Variants in KDM5A observed in about 807,000 individuals in gnomAD.
KDM5A encodes lysine demethylase 5A.
KDM5A carries 42 observed loss-of-function variants against 193.5 expected under a neutral mutation model. The ratio of observed to expected loss-of-function variants is 0.22; its 90% CI spans 0.17 to 0.28. The LOEUF (loss-of-function observed/expected upper bound fraction) is 0.28, where lower values mean the gene tolerates loss of function less well. KDM5A is among the 10% of genes least tolerant of loss of function. KDM5A has a pLI of 1.00. For missense variants in KDM5A, 1,692 were observed against 2,055.1 expected, an observed-to-expected ratio of 0.82 and a Z score of 3.42; for synonymous variants, 796 against 718.1, an observed-to-expected ratio of 1.11 and a Z score of -1.73.
intron 10 of KDM5A, among the ~76,000 whole-genome samples, chr12:337,099 C>G (rs1199573581): frequency 6.6e-6 from 1 of 152,156 alleles, no homozygotes; most frequent in African/African-American, 2.4e-5. Flanking sequence ...CTCACGAGAT[C>G]TGGTTGTTTA....
intron 8 of KDM5A, among the ~76,000 whole-genome samples, chr12:352,557 G>T (rs1039656596): frequency 7.2e-5 from 11 of 152,230 alleles, no homozygotes; most frequent in Non-Finnish European, 1.6e-4. Flanking sequence ...GATGGCTTTA[G>T]ATCCAGAGGT....
intron 12 of KDM5A, 105 bp from the exon 13 acceptor site, chr12:332,043 AAAC>A: frequency 9.1e-7 from 1 of 1,093,852 alleles, no homozygotes; most frequent in East Asian, 2.6e-5. Context: ...CTAAAACTGA[AAAC>A]AATAAAGCAT....
At chr12:359,170 G>A (rs1368275269) in intron 5 of KDM5A, among the ~76,000 whole-genome samples, 1 of 152,042 alleles carries the variant, frequency 6.6e-6, no homozygotes, top group Non-Finnish European at 1.5e-5. Flanking sequence ...TGTGGTGCTG[G>A]ATTAGAGCTG....
Position 356,426 on chromosome 12 carries a change from T to A in KDM5A, c.778+6A>T, listed in dbSNP as rs1366070124. 1 of 1,563,710 alleles carries A rather than the reference T, an allele frequency of 6.4e-7. No individual in the cohort carries two copies. Among genetic ancestry groups the A allele is most frequent in the Non-Finnish European group, 8.8e-7 (1 of 1,134,280 alleles). Reference sequence around the variant, plus strand: ...TCTCTTTTCATGATCAAACAACAAATTTTACCTTCTTTATCTTTTGTTCCC... The same window carrying A: ...TCTCTTTTCATGATCAAACAACAAAATTTACCTTCTTTATCTTTTGTTCCC... On this transcript the variant is annotated splice_donor_region_variant and intron_variant, in intron 6 of 27. Transcript: ENST00000399788.
At chr12:329,241 A>C in intron 13 of KDM5A, 1 of 578,952 alleles carries the variant, frequency 1.7e-6, no homozygotes, top group Non-Finnish European at 3.1e-6. Flanking sequence ...AATTCCCATA[A>C]TCTGAGATGC....
chr12:365,007 A>C (rs749312758), intron 4 of KDM5A, among the ~76,000 whole-genome samples: 4 of 152,130 alleles, frequency 2.6e-5, no homozygotes, highest in African/African-American at 9.7e-5. Flanking sequence ...ATTCAATGGA[A>C]TATTATTCAG....
intron 3 of KDM5A, among the ~76,000 whole-genome samples, chr12:371,430 C>T (rs1189802750): frequency 6.6e-6 from 1 of 151,944 alleles, no homozygotes; most frequent in Non-Finnish European, 1.5e-5. Context: ...AGCGTCTGTT[C>T]ATATCCTTTG....
intron 24 of KDM5A, among the ~76,000 whole-genome samples, chr12:303,349 C>T (rs1056974769): frequency 7.2e-5 from 11 of 152,166 alleles, no homozygotes; most frequent in Admixed American, 3.3e-4. Flanking sequence ...AAGATGAGTT[C>T]GTGTCCTTTG....
intron 3 of KDM5A, among the ~76,000 whole-genome samples, chr12:381,076 C>A (rs970467660): frequency 6.6e-6 from 1 of 152,124 alleles, no homozygotes; most frequent in Non-Finnish European, 1.5e-5. Context: ...CTCACCACAA[C>A]CTCCACCTCC....
At chr12:351,431 T>C (rs1944156969) in intron 9 of KDM5A, among the ~76,000 whole-genome samples, 1 of 152,172 alleles carries the variant, frequency 6.6e-6, no homozygotes, top group African/African-American at 2.4e-5. Context: ...GGTATATATG[T>C]GCCACATTTT....
Position 285,254 on chromosome 12 carries a change from A to C in KDM5A, c.*202T>G. ...GAAATATTGGCTGTTGTACCAAAGA[A>C]GACACCCTCTGCATAGATATGTTGA... On this transcript the variant is annotated 3_prime_UTR_variant, in exon 28 of 28. Transcript: ENST00000399788. 1 of 600,516 alleles carries C rather than the reference A, an allele frequency of 1.7e-6. No homozygotes were observed. The highest frequency in any genetic ancestry group is 2.0e-5 in the South Asian group (1 of 48,928). The allele number at this position is 600,516 out of a possible 1,614,324, so 37.2% of individuals were successfully genotyped here. A position where few individuals can be genotyped will look rare whatever the true frequency, so the allele number is the denominator to read the frequency against.
chr12:367,264 G>A (rs961164006), intron 3 of KDM5A, among the ~76,000 whole-genome samples: 16 of 152,060 alleles, frequency 1.1e-4, no homozygotes, highest in African/African-American at 3.6e-4. Flanking sequence ...TAAAAAAAAA[G>A]TTAAAGCCAG....
intron 3 of KDM5A, among the ~76,000 whole-genome samples, chr12:378,833 C>A (rs557177631): frequency 5.3e-5 from 8 of 151,974 alleles, no homozygotes; most frequent in South Asian, 4.2e-4. Flanking sequence ...GTGGTGGGCG[C>A]CTGTAGTCCC....
intron 25 of KDM5A, 119 bp from the exon 26 acceptor site, chr12:295,912 G>A (rs1175423823): frequency 7.5e-6 from 6 of 802,712 alleles, no homozygotes; most frequent in African/African-American, 6.9e-5. Context: ...CAGATATCTG[G>A]ATTCATTATA....
intron 10 of KDM5A, among the ~76,000 whole-genome samples, chr12:342,546 G>T (rs555111833): frequency 1.4e-3 from 211 of 151,802 alleles, no homozygotes; most frequent in Non-Finnish European, 2.0e-3. Context: ...TGCAACCTCC[G>T]CCTCCCACGT....
intron 17 of KDM5A, among the ~76,000 whole-genome samples, chr12:321,489 A>G (rs918288834): frequency 6.6e-6 from 1 of 152,228 alleles, no homozygotes; most frequent in African/African-American, 2.4e-5. Context: ...TTGTGTGCAC[A>G]TGATTTTTCT....
At chr12:322,083 C>T (rs1194923363) in intron 17 of KDM5A, among the ~76,000 whole-genome samples, 1 of 152,128 alleles carries the variant, frequency 6.6e-6, no homozygotes, top group Non-Finnish European at 1.5e-5. Flanking sequence ...AACAAAGTGA[C>T]ATTTGAAAAC....
chr12:382,912 CAA>C (rs993176531), intron 3 of KDM5A, among the ~76,000 whole-genome samples: 3 of 151,536 alleles, frequency 2.0e-5, no homozygotes, highest in African/African-American at 7.3e-5. Context: ...AGCCTGGACA[CAA>C]GAGCAAAACT....
intron 12 of KDM5A, chr12:333,262 TACA>T: frequency 1.8e-6 from 1 of 558,502 alleles, no homozygotes; most frequent in Non-Finnish European, 3.2e-6. Context: ...CTACAAAAAA[TACA>T]ACAATTAGCC....
Sources: gnomAD v4.1 joint callset for allele counts (sites outside exome capture counted in the v4.1 genomes callset) on GRCh38, gnomAD v4.1.1 for gene constraint, MANE v1.5 for transcripts, NCBI Gene and HGNC (gene_info 2026-07-23, HGNC 2026-07-21) for gene names.